KMT2A: variants seen among roughly 807,000 people sequenced by gnomAD.
KMT2A encodes the protein lysine methyltransferase 2A.
Under a neutral mutation model 345.3 loss-of-function variants are expected in KMT2A, and 16 were observed. That is an observed-to-expected ratio of 0.05 (90% CI 0.03 to 0.07). KMT2A has a LOEUF of 0.07. Among genes scored for constraint, KMT2A ranks in the 10% least tolerant of loss-of-function variants. The pLI, the probability that KMT2A is intolerant of heterozygous loss-of-function variation, is 1.00. For synonymous variants in KMT2A, 1,599 were observed against 1,778.6 expected (o/e 0.90, Z 2.54); for missense variants, 3,272 against 4,841.6 (o/e 0.68, Z 9.62).
intron 1 of KMT2A, among the ~76,000 whole-genome samples, chr11:118,453,160 T>C (rs1949574925): frequency 6.6e-6 from 1 of 152,210 alleles, no homozygotes; most frequent in African/African-American, 2.4e-5. Context: ...CCTGATTCTT[T>C]TCTCCCTTTT....
rs116900309 is a variant in KMT2A, at chr11:118,439,902, A to G, written c.432+2958A>G. 7.1e-4 allele frequency among the ~76,000 whole-genome samples: 108 copies of G among 151,228 alleles called. 3 individuals carry two copies. The East Asian group carries it at 0.019, about 27-fold the overall frequency. ...AGTAGTGGTAAACCTCTGAGCTGGT[A>G]GTTTTCAGTGTAGAAGCAAGCACTT... is the stretch of plus-strand genomic sequence containing the variant. On this transcript the variant is annotated intron_variant, in intron 1 of 35. Transcript: ENST00000534358.
chr11:118,520,193 G>A lies in KMT2A; in HGVS notation c.11429+129G>A. 4.6e-6 allele frequency: 3 copies of A among 652,684 alleles called. No individual in the cohort carries two copies. The South Asian group carries it at 5.8e-5, about 13-fold the overall frequency. The allele number at this position is 652,684 out of a possible 1,614,324, so 40.4% of individuals were successfully genotyped here. On this transcript the variant is annotated intron_variant, in intron 33 of 35. Coordinates refer to ENST00000534358, the MANE Select transcript of KMT2A (RefSeq NM_001197104.2). The surrounding 1 kb of genome is among the most constrained non-coding windows in gnomAD (Gnocchi z 4.3). ...GATTTAAAAGGACTGAAAACCATTT[G>A]TGTTGAAGTAGCAGTAGGTGCCTGG...
intron 1 of KMT2A, chr11:118,447,789 G>T: frequency 3.8e-6 from 1 of 265,262 alleles, no homozygotes; most frequent in Admixed American, 4.9e-5. Context: ...TCCATTATTA[G>T]GAATGGTAAC....
At chr11:118,468,259 A>C (rs1260295562) in intron 1 of KMT2A, among the ~76,000 whole-genome samples, 2 of 152,202 alleles carry the variant, frequency 1.3e-5, no homozygotes, top group Non-Finnish European at 2.9e-5. Context: ...CAGAAATCAC[A>C]TCTAAATGTC....
Position 118,494,164 on chromosome 11 carries a change from C to G in KMT2A, c.5179-124C>G. 1 of 635,202 alleles carries G rather than the reference C, an allele frequency of 1.6e-6. No individual in the cohort carries two copies. The highest frequency in any genetic ancestry group is 2.9e-6 in the Non-Finnish European group (1 of 350,458). The allele number at this position is 635,202 out of a possible 1,614,324, so 39.3% of individuals were successfully genotyped here. A position where few individuals can be genotyped will look rare whatever the true frequency, so the allele number is the denominator to read the frequency against. On this transcript the variant is annotated intron_variant, in intron 16 of 35. Coordinates refer to ENST00000534358, the MANE Select transcript of KMT2A (RefSeq NM_001197104.2). This position sits in a 1 kb window ranked among gnomAD's most constrained non-coding sequence, Gnocchi z 5.8. ...AAGGTCTCAGCCAAAGAGTATTATA[C>G]CACATTAAAATAGGGTGTGAGTTTT... is the stretch of plus-strand genomic sequence containing the variant.
intron 1 of KMT2A, chr11:118,450,041 C>T (rs868966878): frequency 6.6e-6 from 1 of 152,292 alleles, no homozygotes; most frequent in South Asian, 2.1e-4. Context: ...TCAATCTGGT[C>T]ATTTATGGTA....
chr11:118,509,065 G>C (rs2134425852), intron 28 of KMT2A, 71 bp from the exon 29 acceptor site: 1 of 1,349,734 alleles, frequency 7.4e-7, no homozygotes, highest in Non-Finnish European at 1.0e-6. Flanking sequence ...CAGCTGTATA[G>C]AAAATTCTGG....
rs782391165 is a variant in KMT2A, at chr11:118,471,993, C to G, written c.834C>G (p.Leu278=). The part of the protein sequence containing the change: ...TKIKKLRAGK[L]SPLKSKFKTG... ...TTAAAAAATTAAGAGCAGGTAAACT[C>G]TCTCCTCTCAAGTCTAAGTTTAAGA... The change falls in exon 3 of 36, where the codon CTC becomes CTG. Residue 278 remains leucine, a synonymous_variant. Coordinates refer to ENST00000534358, the MANE Select transcript of KMT2A (RefSeq NM_001197104.2). 7 of 1,614,046 alleles carry G rather than the reference C, an allele frequency of 4.3e-6. No homozygotes were observed. Among genetic ancestry groups the G allele is most frequent in the Non-Finnish European group, 4.2e-6 (5 of 1,179,988 alleles).
At chr11:118,514,669 T>C (rs906427936) in intron 31 of KMT2A, among the ~76,000 whole-genome samples, 14 of 152,082 alleles carry the variant, frequency 9.2e-5, no homozygotes, top group Non-Finnish European at 1.9e-4. Flanking sequence ...GTTTCTTTCC[T>C]GTTGCCCAGG....
chr11:118,502,495 T>C lies in KMT2A; in HGVS notation c.6603T>C (p.Ser2201=), dbSNP rs200935930. 2.2e-5 allele frequency: 36 copies of C among 1,614,080 alleles called. No homozygotes were observed. The African/African-American group carries it at 4.7e-4, about 21-fold the overall frequency. ...TTGGCTCCAGGCGTCACAGTACCTC[T>C]TCCTTATCACCCCAGCGGTCCAAAC... The part of the protein sequence containing the change: ...RSIGSRRHST[S]SLSPQRSKLR... Residue 2201 remains serine (S), a synonymous_variant, in exon 27 of 36, where the codon TCT becomes TCC. Transcript: ENST00000534358. The surrounding 1 kb of genome is among the most constrained non-coding windows in gnomAD (Gnocchi z 4.9).
intron 1 of KMT2A, chr11:118,449,620 T>C (rs1949492075): frequency 6.6e-6 from 1 of 151,264 alleles, no homozygotes; most frequent in South Asian, 2.1e-4. Flanking sequence ...AAAAATTGCA[T>C]TGGCCAACTT....
rs552276253 is a variant in KMT2A, at chr11:118,494,835, A to G, written c.5363+68A>G. 5 of 1,290,834 alleles carry G rather than the reference A, an allele frequency of 3.9e-6. No homozygotes were observed. The East Asian group carries it at 1.2e-4, about 30-fold the overall frequency. 80.0% of individuals were successfully genotyped at this position (1,290,834 alleles called of 1,614,324 possible). On this transcript the variant is annotated intron_variant, in intron 18 of 35. Transcript: ENST00000534358. This position sits in a 1 kb window ranked among gnomAD's most constrained non-coding sequence, Gnocchi z 5.8. Reference sequence around the variant, plus strand: ...GAAATCTGAGAGTTCTCATATTTCTAGATTGCAGTTTTCCAAAAGGTTTTA... The same window carrying G: ...GAAATCTGAGAGTTCTCATATTTCTGGATTGCAGTTTTCCAAAAGGTTTTA...
At position 118,484,070 on chromosome 11, in the gene KMT2A, A is replaced by T. The variant is rs1217039589; in HGVS notation, c.4087-113A>T. On this transcript the variant is annotated intron_variant, in intron 8 of 35. Transcript: ENST00000534358. The surrounding 1 kb of genome is among the most constrained non-coding windows in gnomAD (Gnocchi z 4.1). ...TTCAAAGATTATTTGTTTATGTTGG[A>T]AACATGTTTTTTAGATCTATTAATA... The T allele has an allele frequency of 1.2e-5, 13 of 1,057,016 alleles. No individual in the cohort carries two copies. The highest frequency in any genetic ancestry group is 1.6e-5 in the Non-Finnish European group (12 of 729,594). 65.5% of individuals were successfully genotyped at this position (1,057,016 alleles called of 1,614,324 possible).
intron 1 of KMT2A, among the ~76,000 whole-genome samples, chr11:118,442,970 C>T (rs1166910371): frequency 1.3e-5 from 2 of 152,156 alleles, no homozygotes; most frequent in Non-Finnish European, 2.9e-5. Flanking sequence ...TGAGGTTACG[C>T]AGACAAAGGG....
At chr11:118,514,932 C>T (rs1950778441) in intron 31 of KMT2A, among the ~76,000 whole-genome samples, 2 of 152,058 alleles carry the variant, frequency 1.3e-5, no homozygotes, top group Admixed American at 6.5e-5. Flanking sequence ...CACGCCCGGC[C>T]TAATTTTTGT....
intron 5 of KMT2A, among the ~76,000 whole-genome samples, chr11:118,479,898 G>A (rs1200084984): frequency 1.3e-5 from 2 of 152,156 alleles, no homozygotes; most frequent in Non-Finnish European, 2.9e-5. Context: ...ATCATTTTCT[G>A]TGTGGTGCTA....
rs1315223449 is a variant in KMT2A at position 118,525,659 on chromosome 11, AT to A, written c.*3488del. On this transcript the variant is annotated 3_prime_UTR_variant, in exon 36 of 36. Transcript: ENST00000534358. ...CAACACACACACAAAAATAAAAAAA[AT>A]ATTCTAATGAATGTATCTTTCTAAA... is the stretch of plus-strand genomic sequence containing the variant. 11 of 229,840 alleles carry A rather than the reference AT, an allele frequency of 4.8e-5. No individual in the cohort carries two copies. Among genetic ancestry groups the A allele is most frequent in the Non-Finnish European group, 6.9e-5 (8 of 116,114 alleles). The allele number at this position is 229,840 out of a possible 1,614,324, so 14.2% of individuals were successfully genotyped here. A position where few individuals can be genotyped will look rare whatever the true frequency, so the allele number is the denominator to read the frequency against.
chr11:118,479,265 T>G (rs1950091586), intron 5 of KMT2A, among the ~76,000 whole-genome samples: 1 of 152,268 alleles, frequency 6.6e-6, no homozygotes, highest in African/African-American at 2.4e-5. Flanking sequence ...AAATTTTTAT[T>G]ACTCTACTTT....
intron 31 of KMT2A, among the ~76,000 whole-genome samples, chr11:118,515,019 G>A (rs782311184): frequency 1.3e-5 from 2 of 150,672 alleles, no homozygotes; most frequent in Non-Finnish European, 3.0e-5. Context: ...TGCCCACCTC[G>A]GCCTCCCAAA....
Sources: gnomAD v4.1 joint callset for allele counts (sites outside exome capture counted in the v4.1 genomes callset) on GRCh38, gnomAD v4.1.1 for gene constraint, Gnocchi (gnomAD v3.1) non-coding constraint, MANE v1.5 for transcripts, NCBI Gene and HGNC (gene_info 2026-07-23, HGNC 2026-07-21) for gene names.